CYFIP2: variants seen among roughly 807,000 people sequenced by gnomAD.
CYFIP2 encodes the protein cytoplasmic FMR1-interacting protein 2.
Under a neutral mutation model 158.7 loss-of-function variants are expected in CYFIP2, and 29 were observed. The ratio of observed to expected loss-of-function variants is 0.18; its 90% CI spans 0.14 to 0.25. The LOEUF (loss-of-function observed/expected upper bound fraction) is 0.25. Among genes scored for constraint, CYFIP2 ranks in the 10% least tolerant of loss-of-function variants. CYFIP2 has a pLI of 1.00. For synonymous variants in CYFIP2, 585 were observed against 617.6 expected (o/e 0.95, Z 0.78); for missense variants, 852 against 1,639.5 (o/e 0.52, Z 8.29).
intron 5 of CYFIP2, among the ~76,000 whole-genome samples, chr5:157,300,396 A>G (rs183773344): frequency 2.6e-5 from 4 of 151,936 alleles, no homozygotes; most frequent in Non-Finnish European, 5.9e-5. Context: ...TTAGCTGGGC[A>G]TGGTGGCACA....
intron 21 of CYFIP2, 21 bp downstream of exon 21, chr5:157,333,467 G>A: frequency 6.2e-7 from 1 of 1,613,892 alleles, no homozygotes; most frequent in Non-Finnish European, 8.5e-7. Flanking sequence ...GGGAGCGTGT[G>A]GGATTTCTGC....
intron 26 of CYFIP2, among the ~76,000 whole-genome samples, chr5:157,368,887 GTTTTTTGT>G (rs1363598363): frequency 6.9e-6 from 1 of 145,896 alleles, no homozygotes; most frequent in Non-Finnish European, 1.5e-5. Context: ...GATCCCAGAG[GTTTTTTGT>G]TTTTTTGTTT....
chr5:157,337,980 T>C (rs1381199514), intron 21 of CYFIP2, among the ~76,000 whole-genome samples: 2 of 152,192 alleles, frequency 1.3e-5, no homozygotes, highest in African/African-American at 4.8e-5. Flanking sequence ...CAATTTCCCC[T>C]CTCTGAATGA....
At chr5:157,372,347 C>CAGTAG (rs1561777130) in intron 26 of CYFIP2, among the ~76,000 whole-genome samples, 2 of 151,544 alleles carry the variant, frequency 1.3e-5, no homozygotes, top group African/African-American at 4.9e-5. Flanking sequence ...TCAAATGACT[C>CAGTAG]AGTAAAGTTA....
chr5:157,360,141 A>G, intron 24 of CYFIP2, 141 bp from the exon 25 acceptor site: 1 of 597,958 alleles, frequency 1.7e-6, no homozygotes, highest in South Asian at 2.9e-5. Flanking sequence ...ATAAAGGCTT[A>G]TTTTCCCTTA....
Position 157,302,946 on chromosome 5 carries a change from G to A in CYFIP2, c.666+56G>A, listed in dbSNP as rs189779821. 395 of 1,422,668 alleles carry A rather than the reference G, an allele frequency of 2.8e-4. 1 individual carries two copies. In the African/African-American group the frequency reaches 3.4e-3, roughly 12 times the overall value. The allele number at this position is 1,422,668 out of a possible 1,614,324, so 88.1% of individuals were successfully genotyped here. On this transcript the variant is annotated intron_variant, in intron 7 of 30. Coordinates refer to ENST00000620254, the MANE Select transcript of CYFIP2 (RefSeq NM_001037333.3). ...TGATGTCTCGGGGTTATAGGCAGGCGTGTAGAGGTTGGGTGGACCACGAGC... is the reference window on the plus strand; with the variant it reads ...TGATGTCTCGGGGTTATAGGCAGGCATGTAGAGGTTGGGTGGACCACGAGC...
intron 19 of CYFIP2, among the ~76,000 whole-genome samples, chr5:157,329,124 C>G (rs1451607649): frequency 6.6e-6 from 1 of 152,318 alleles, no homozygotes; most frequent in East Asian, 1.9e-4. Context: ...GCAGCACACA[C>G]AAGTGTCTGT....
intron 1 of CYFIP2, among the ~76,000 whole-genome samples, chr5:157,277,639 G>A (rs761639087): frequency 4.6e-5 from 7 of 152,182 alleles, no homozygotes; most frequent in Non-Finnish European, 5.9e-5. Flanking sequence ...TCCAGAGAGG[G>A]CATGTTATGT....
intron 13 of CYFIP2, among the ~76,000 whole-genome samples, chr5:157,317,603 T>C (rs1029857273): frequency 6.6e-6 from 1 of 152,212 alleles, no homozygotes; most frequent in African/African-American, 2.4e-5. Flanking sequence ...TTTTACACTT[T>C]TTGGTAAAAA....
chr5:157,274,129 TAAAA>T (rs58939164), intron 1 of CYFIP2, among the ~76,000 whole-genome samples: 1 of 123,206 alleles, frequency 8.1e-6, no homozygotes, highest in Non-Finnish European at 1.7e-5. Flanking sequence ...AAACTCTGTG[TAAAA>T]AAAAAAAAAA....
At chr5:157,389,610 T>C in intron 29 of CYFIP2, 183 bp downstream of exon 29, 1 of 588,432 alleles carries the variant, frequency 1.7e-6, no homozygotes, top group South Asian at 2.2e-5. Context: ...GGTTTGATAG[T>C]AAGACCCTCA....
chr5:157,285,198 T>C, intron 1 of CYFIP2, 141 bp from the exon 2 acceptor site: 1 of 608,098 alleles, frequency 1.6e-6, no homozygotes, highest in East Asian at 2.8e-5. Context: ...GAGAGCACCT[T>C]GGGAAGAAGT....
intron 3 of CYFIP2, among the ~76,000 whole-genome samples, chr5:157,291,529 T>C (rs1757813987): frequency 6.6e-6 from 1 of 152,232 alleles, no homozygotes; most frequent in African/African-American, 2.4e-5. Context: ...ATTCACTGAA[T>C]GCATGAGTCG....
chr5:157,300,685 G>C, intron 5 of CYFIP2, 30 bp from the exon 6 acceptor site: 1 of 1,513,180 alleles, frequency 6.6e-7, no homozygotes, highest in African/African-American at 1.4e-5. Context: ...GGAGCACAGT[G>C]GACCTTACTC....
intron 1 of CYFIP2, among the ~76,000 whole-genome samples, chr5:157,275,175 A>AT (rs1033253527): frequency 4.6e-5 from 7 of 152,010 alleles, no homozygotes; most frequent in Non-Finnish European, 8.8e-5. Context: ...TTGAAGCACA[A>AT]TTTTTTTTAT....
At chr5:157,304,399 C>T (rs1425307993) in intron 8 of CYFIP2, 33 bp downstream of exon 8, 1 of 1,587,258 alleles carries the variant, frequency 6.3e-7, no homozygotes, top group South Asian at 1.1e-5. Flanking sequence ...CCCATGGAGC[C>T]TGGGCTTACC....
chr5:157,348,105 C>T (rs918068447), intron 23 of CYFIP2, among the ~76,000 whole-genome samples: 1 of 152,268 alleles, frequency 6.6e-6, no homozygotes. Context: ...GCTCTCAGGC[C>T]AGGTGAGCCC....
At position 157,360,385 on chromosome 5, in the gene CYFIP2, A is replaced by C. The variant is rs544775956; in HGVS notation, c.2908+13A>C. 16 of 1,610,408 alleles carry C rather than the reference A, an allele frequency of 9.9e-6. No individual in the cohort carries two copies. Among genetic ancestry groups the C allele is most frequent in the Non-Finnish European group, 1.3e-5 (15 of 1,177,520 alleles). Reference sequence around the variant, plus strand: ...TATGGCTCCCCAGGTTGGTGATAGCAAAACAATCCAGACCCCTCCCATGGT... The same window carrying C: ...TATGGCTCCCCAGGTTGGTGATAGCCAAACAATCCAGACCCCTCCCATGGT... On this transcript the variant is annotated intron_variant, in intron 25 of 30. Transcript: ENST00000620254.
At chr5:157,293,614 A>C (rs1327189235) in intron 3 of CYFIP2, among the ~76,000 whole-genome samples, 1 of 152,242 alleles carries the variant, frequency 6.6e-6, no homozygotes, top group Non-Finnish European at 1.5e-5. Flanking sequence ...AGCCTCACAG[A>C]GAGCTTGCTA....
Sources: allele counts gnomAD v4.1 joint callset (sites outside exome capture counted in the v4.1 genomes callset), GRCh38; gene constraint gnomAD v4.1.1; transcripts MANE v1.5; gene names NCBI Gene and HGNC (gene_info 2026-07-23, HGNC 2026-07-21).